The following VPS33B variants were observed in gnomAD, a reference collection of about 807,000 sequenced individuals.
The protein encoded by VPS33B is VPS33B late endosome and lysosome associated.
Under a neutral mutation model 95.3 loss-of-function variants are expected in VPS33B, and 80 were observed. The ratio of observed to expected loss-of-function variants is 0.84; its 90% CI spans 0.70 to 1.01. VPS33B has a LOEUF of 1.01. Among genes scored for constraint, VPS33B ranks in the 50% least tolerant of loss-of-function variants. The pLI is 0.00. For missense variants in VPS33B, 715 were observed against 773.4 expected, an observed-to-expected ratio of 0.92 and a Z score of 0.90; for synonymous variants, 280 against 280.4, an observed-to-expected ratio of 1.00 and a Z score of 0.01.
chr15:91,003,031 C>T, intron 17 of VPS33B, 54 bp downstream of exon 17: 9 of 1,597,312 alleles, frequency 5.6e-6, no homozygotes, highest in Non-Finnish European at 7.7e-6. Flanking sequence ...TTCAAAAATG[C>T]CCAATAACTG....
downstream of VPS33B, chr15:90,998,586 G>T (rs559773842): frequency 3.2e-5 from 11 of 347,526 alleles, no homozygotes; most frequent in Middle Eastern, 1.0e-3. This position sits in a 1 kb window ranked among gnomAD's most constrained non-coding sequence, Gnocchi z 4.8. Context: ...CAAAGTCCAG[G>T]CCAAGAAGCA....
chr15:90,998,592 A>C (rs1197771527), downstream of VPS33B: 1 of 349,040 alleles, frequency 2.9e-6, no homozygotes. This position sits in a 1 kb window ranked among gnomAD's most constrained non-coding sequence, Gnocchi z 4.8. Flanking sequence ...CCAGGCCAAG[A>C]AGCACAGGAA....
chr15:91,013,935 G>A lies in VPS33B; in HGVS notation c.290-64C>T. 6.3e-7 allele frequency: 1 copy of A among 1,590,696 alleles called. No individual in the cohort carries two copies. The highest frequency in any genetic ancestry group is 1.1e-5 in the South Asian group (1 of 90,608). On this transcript the variant is annotated intron_variant, in intron 4 of 22. Transcript: ENST00000333371. The surrounding 1 kb of genome is among the most constrained non-coding windows in gnomAD (Gnocchi z 4.5). ...CATCTGTTATGCTAGAAACAGGGAA[G>A]CTGCCGGGCACAGTGGTTCACGCCT...
intron 18 of VPS33B, 114 bp from the exon 19 acceptor site, chr15:91,001,576 G>T: frequency 1.2e-6 from 1 of 867,168 alleles, no homozygotes; most frequent in Non-Finnish European, 1.9e-6. Context: ...ACTCTCGGAA[G>T]CTGTTCAACT....
Position 91,009,738 on chromosome 15 carries a change from C to T in VPS33B, c.403+63G>A. ...GGGGTGGGGTGGGGGGGTTGGAGAACAACAACAGTTTTTTCTTCTGTATGT... is the reference window on the plus strand; with the variant it reads ...GGGGTGGGGTGGGGGGGTTGGAGAATAACAACAGTTTTTTCTTCTGTATGT... On this transcript the variant is annotated intron_variant, in intron 6 of 22. Transcript: ENST00000333371. This position sits in a 1 kb window ranked among gnomAD's most constrained non-coding sequence, Gnocchi z 4.1. The T allele has an allele frequency of 6.3e-7, 1 of 1,593,596 alleles. No homozygotes were observed. Among genetic ancestry groups the T allele is most frequent in the Non-Finnish European group, 8.6e-7 (1 of 1,166,506 alleles).
chr15:91,020,795 C>T (rs563931549), intron 1 of VPS33B, among the ~76,000 whole-genome samples: 15 of 152,134 alleles, frequency 9.9e-5, no homozygotes, highest in Non-Finnish European at 1.8e-4. Flanking sequence ...GCAGAAGAAT[C>T]GCCTGAACCC....
At chr15:91,003,047 C>T in intron 17 of VPS33B, 38 bp downstream of exon 17, 1 of 1,612,070 alleles carries the variant, frequency 6.2e-7, no homozygotes, top group South Asian at 1.1e-5. Flanking sequence ...AACTGCCCTC[C>T]ATCAAGTTCC....
At position 91,010,241 on chromosome 15, in the gene VPS33B, T is replaced by C. The variant is rs1368659476; in HGVS notation, c.358-395A>G. Among the ~76,000 whole-genome samples the C allele has an allele frequency of 6.6e-6, 1 of 152,184 alleles. No individual in the cohort carries two copies. The highest frequency in any genetic ancestry group is 1.5e-5 in the Non-Finnish European group (1 of 68,028). On this transcript the variant is annotated intron_variant, in intron 5 of 22. Coordinates refer to ENST00000333371, the MANE Select transcript of VPS33B (RefSeq NM_018668.5). The surrounding 1 kb of genome is among the most constrained non-coding windows in gnomAD (Gnocchi z 5.7). The stretch of plus-strand genomic sequence containing the variant: ...GGGAGAGTGAGTTCTGTTTAGGACA[T>C]GCCCACGGGACCTTGGGAGACACAG...
chr15:91,017,662 ACAGCAT>A (rs1567229805), intron 2 of VPS33B, 137 bp downstream of exon 2: 14 of 782,916 alleles, frequency 1.8e-5, no homozygotes, highest in Admixed American at 2.5e-5. Flanking sequence ...AAAAATACGA[ACAGCAT>A]CAATCTCCCT....
chr15:91,022,078 G>C (rs1333331602), intron 1 of VPS33B, 76 bp downstream of exon 1: 4 of 1,494,680 alleles, frequency 2.7e-6, no homozygotes, highest in Non-Finnish European at 3.6e-6. Flanking sequence ...AGATCAAAGG[G>C]GCACGGCAAG....
In VPS33B at chr15:91,005,089, C is replaced by T. The variant is rs2040561321; in HGVS notation, c.1136G>A (p.Ser379Asn). Residue 379 changes from serine to asparagine, a missense_variant, in exon 15 of 23, where the codon AGC becomes AAC. Ser to Asn is a conservative substitution (Grantham distance 46). Coordinates refer to ENST00000333371, the MANE Select transcript of VPS33B (RefSeq NM_018668.5). This position sits in a 1 kb window ranked among gnomAD's most constrained non-coding sequence, Gnocchi z 6.4. Reference sequence around the variant, plus strand: ...TATGTGTTCCTCAATGTAGCTGGTGCTCTCCCGGATGTTGAACCCCTCTAG... The same window carrying T: ...TATGTGTTCCTCAATGTAGCTGGTGTTCTCCCGGATGTTGAACCCCTCTAG... The part of the protein sequence containing the change: ...ALLEGFNIRE[S>N]TSYIEEHIDR... 3 of 1,614,134 alleles carry T rather than the reference C, an allele frequency of 1.9e-6. No homozygotes were observed. The highest frequency in any genetic ancestry group is 1.3e-5 in the African/African-American group (1 of 74,942).
chr15:90,998,777 A>G lies in VPS33B; in HGVS notation c.*198T>C, dbSNP rs2040345131. On this transcript the variant is annotated 3_prime_UTR_variant, in exon 23 of 23. Coordinates refer to ENST00000333371, the MANE Select transcript of VPS33B (RefSeq NM_018668.5). The surrounding 1 kb of genome is among the most constrained non-coding windows in gnomAD (Gnocchi z 4.8). ...TTAGCAGCATGGGTTGTACTTCATA[A>G]ACAGAAAAGAGAAATATCCTGGGAG... 3 of 681,694 alleles carry G rather than the reference A, an allele frequency of 4.4e-6. No individual in the cohort carries two copies. The highest frequency in any genetic ancestry group is 1.8e-5 in the African/African-American group (1 of 56,390). 42.2% of individuals were successfully genotyped at this position (681,694 alleles called of 1,614,324 possible). A position where few individuals can be genotyped will look rare whatever the true frequency, so the allele number is the denominator to read the frequency against.
Position 91,006,736 on chromosome 15 carries a change from C to CA in VPS33B, c.701-8dup. ...GCTGTCACAAAGTCCACATCTGAAA[C>CA]AGAGATCCCTGACCATGAAGGTTCT... is the stretch of plus-strand genomic sequence containing the variant. On this transcript the variant is annotated splice_region_variant and splice_polypyrimidine_tract_variant and intron_variant, in intron 9 of 22. Coordinates refer to ENST00000333371, the MANE Select transcript of VPS33B (RefSeq NM_018668.5). The surrounding 1 kb of genome is among the most constrained non-coding windows in gnomAD (Gnocchi z 5.4). The CA allele has an allele frequency of 6.2e-7, 1 of 1,614,166 alleles. No homozygotes were observed. The highest frequency in any genetic ancestry group is 8.5e-7 in the Non-Finnish European group (1 of 1,180,012).
In VPS33B at chr15:91,005,809, A is replaced by AC. The variant is rs751643967; in HGVS notation, c.940-26dup. On this transcript the variant is annotated intron_variant, in intron 12 of 22. Transcript: ENST00000333371. The surrounding 1 kb of genome is among the most constrained non-coding windows in gnomAD (Gnocchi z 6.4). The stretch of plus-strand genomic sequence containing the variant: ...GCTGTGGGAAAATTCCCAAAGGTGA[A>AC]CCCCCCAACCTCAGACACGAGAAAC... 5 of 1,613,702 alleles carry AC rather than the reference A, an allele frequency of 3.1e-6. No homozygotes were observed. Among genetic ancestry groups the AC allele is most frequent in the East Asian group, 2.2e-5 (1 of 44,862 alleles).
In VPS33B at chr15:91,009,684, A is replaced by G; in HGVS notation, c.403+117T>C. ...CTCCTCCTGCTACACTAACAGGAAT[A>G]AGACCAGGAAAAGAAGGAGCTGGTG... On this transcript the variant is annotated intron_variant, in intron 6 of 22. Transcript: ENST00000333371. This position sits in a 1 kb window ranked among gnomAD's most constrained non-coding sequence, Gnocchi z 4.1. The G allele has an allele frequency of 9.1e-7, 1 of 1,097,312 alleles. No homozygotes were observed. Among genetic ancestry groups the G allele is most frequent in the South Asian group, 1.4e-5 (1 of 73,534 alleles). The allele number at this position is 1,097,312 out of a possible 1,614,324, so 68.0% of individuals were successfully genotyped here.
rs2040567779 is a variant in VPS33B at position 91,005,305 on chromosome 15, T to C, written c.1105+75A>G. ...AGCTGGAAAGAGCCAGAGAACATCT[T>C]TTAAGGGTGGGACGGGGCTGGGAGC... On this transcript the variant is annotated intron_variant, in intron 14 of 22. Coordinates refer to ENST00000333371, the MANE Select transcript of VPS33B (RefSeq NM_018668.5). The surrounding 1 kb of genome is among the most constrained non-coding windows in gnomAD (Gnocchi z 6.4). 3 of 1,613,706 alleles carry C rather than the reference T, an allele frequency of 1.9e-6. No homozygotes were observed. Among genetic ancestry groups the C allele is most frequent in the Non-Finnish European group, 2.5e-6 (3 of 1,179,900 alleles).
At position 91,017,632 on chromosome 15, in the gene VPS33B, C is replaced by T. The variant is rs909996496; in HGVS notation, c.177+173G>A. On this transcript the variant is annotated intron_variant, in intron 2 of 22. Coordinates refer to ENST00000333371, the MANE Select transcript of VPS33B (RefSeq NM_018668.5). Reference sequence around the variant, plus strand: ...AACAGAGAGAGACTCCGTCTCCCGCCGCAAAAAAACACAAAACAAAAAAAT... The same window carrying T: ...AACAGAGAGAGACTCCGTCTCCCGCTGCAAAAAAACACAAAACAAAAAAAT... Among the ~76,000 whole-genome samples, 9 of 151,236 alleles carry T rather than the reference C, an allele frequency of 6.0e-5. No individual in the cohort carries two copies. The East Asian group carries it at 1.4e-3, about 23-fold the overall frequency.
chr15:91,002,629 C>T lies in VPS33B; in HGVS notation c.1273-447G>A, dbSNP rs375396156. Among the ~76,000 whole-genome samples, 12 of 123,536 alleles carry T rather than the reference C, an allele frequency of 9.7e-5. No homozygotes were observed. The highest frequency in any genetic ancestry group is 5.0e-4 in the South Asian group (2 of 3,970). 81.0% of individuals were successfully genotyped at this position (123,536 alleles called of 152,430 possible). A position where few individuals can be genotyped will look rare whatever the true frequency, so the allele number is the denominator to read the frequency against. On this transcript the variant is annotated intron_variant, in intron 17 of 22. Coordinates refer to ENST00000333371, the MANE Select transcript of VPS33B (RefSeq NM_018668.5). This position sits in a 1 kb window ranked among gnomAD's most constrained non-coding sequence, Gnocchi z 4.7. ...TGGGCAACAGAGCGAGACATCGTCT[C>T]GAAATAAAAAAAAAAAAAAAAAGAA...
At position 90,998,680 on chromosome 15, in the gene VPS33B, T is replaced by C; in HGVS notation, c.*295A>G. ...TCCAGAACGACCAACGTATTACATCTGAGAGCAGAGGCTTTATTTACAATG... is the reference window on the plus strand; with the variant it reads ...TCCAGAACGACCAACGTATTACATCCGAGAGCAGAGGCTTTATTTACAATG... On this transcript the variant is annotated 3_prime_UTR_variant, in exon 23 of 23. Coordinates refer to ENST00000333371, the MANE Select transcript of VPS33B (RefSeq NM_018668.5). The surrounding 1 kb of genome is among the most constrained non-coding windows in gnomAD (Gnocchi z 4.8). The C allele has an allele frequency of 2.1e-6, 1 of 467,748 alleles. No homozygotes were observed. Among genetic ancestry groups the C allele is most frequent in the Non-Finnish European group, 3.9e-6 (1 of 253,506 alleles). The allele number at this position is 467,748 out of a possible 1,614,324, so 29.0% of individuals were successfully genotyped here.
Sources: allele counts gnomAD v4.1 joint callset (sites outside exome capture counted in the v4.1 genomes callset), GRCh38; gene constraint gnomAD v4.1.1; non-coding constraint Gnocchi (gnomAD v3.1); transcripts MANE v1.5; gene names NCBI Gene and HGNC (gene_info 2026-07-23, HGNC 2026-07-21).